SPECC1: variants seen among roughly 807,000 people sequenced by gnomAD.
The protein encoded by SPECC1 is cytospin-B.
Under a neutral mutation model 104.1 loss-of-function variants are expected in SPECC1, and 62 were observed. The observed-to-expected ratio is 0.60, with a 90% CI of 0.49 to 0.74. The LOEUF (loss-of-function observed/expected upper bound fraction) is 0.74. Ranked by LOEUF, SPECC1 falls within the 30% of genes least tolerant of loss-of-function variation. The pLI is 0.00. For missense variants in SPECC1, 1,306 were observed against 1,310.5 expected, an observed-to-expected ratio of 1.00 and a Z score of 0.05; for synonymous variants, 513 against 501.6, an observed-to-expected ratio of 1.02 and a Z score of -0.30.
At chr17:20,140,175 T>A (rs1042772138) in intron 3 of SPECC1, among the ~76,000 whole-genome samples, 32 of 152,310 alleles carry the variant, frequency 2.1e-4, no homozygotes, top group African/African-American at 7.7e-4. Flanking sequence ...ACTATACTTT[T>A]AAACATTTTA....
intron 3 of SPECC1, among the ~76,000 whole-genome samples, chr17:20,141,684 C>T (rs541190618): frequency 1.4e-4 from 21 of 152,260 alleles, no homozygotes; most frequent in African/African-American, 4.6e-4. Context: ...CCAGAAATAC[C>T]CCATGCTGCT....
intron 3 of SPECC1, among the ~76,000 whole-genome samples, chr17:20,164,358 G>A (rs752496627): frequency 6.6e-6 from 1 of 151,586 alleles, no homozygotes; most frequent in Non-Finnish European, 1.5e-5. Flanking sequence ...GTGCAGACGG[G>A]GTCTCACTGT....
At chr17:20,286,465 TGAG>T (rs1225628760) in intron 12 of SPECC1, among the ~76,000 whole-genome samples, 3 of 152,164 alleles carry the variant, frequency 2.0e-5, no homozygotes, top group African/African-American at 7.2e-5. Flanking sequence ...CTGTGAGCAT[TGAG>T]GACTGTCGCG....
intron 3 of SPECC1, among the ~76,000 whole-genome samples, chr17:20,203,915 C>T (rs1179255253): frequency 6.6e-6 from 1 of 152,232 alleles, no homozygotes; most frequent in Non-Finnish European, 1.5e-5. Flanking sequence ...TTTCCTTCTT[C>T]CTTCTCTGCC....
intron 7 of SPECC1, chr17:20,237,753 G>T (rs894290359): frequency 8.9e-5 from 17 of 191,150 alleles, no homozygotes; most frequent in African/African-American, 3.3e-4. Flanking sequence ...AAGTCAGAAG[G>T]TTCGGCGAGT....
intron 1 of SPECC1, among the ~76,000 whole-genome samples, chr17:20,050,353 C>T (rs1050853450): frequency 2.0e-5 from 3 of 152,134 alleles, no homozygotes; most frequent in African/African-American, 2.4e-5. Context: ...CTTTGGAATA[C>T]TAGATTTATC....
intron 12 of SPECC1, among the ~76,000 whole-genome samples, chr17:20,273,934 A>C (rs2040492050): frequency 1.3e-5 from 2 of 152,070 alleles, no homozygotes; most frequent in South Asian, 4.1e-4. Context: ...CTGGGGCTTC[A>C]CGAGGGGGTG....
Position 20,257,481 on chromosome 17 carries a change from A to G in SPECC1, c.2711A>G (p.Lys904Arg). The G allele has an allele frequency of 6.2e-7, 1 of 1,601,220 alleles. No homozygotes were observed. Among genetic ancestry groups the G allele is most frequent in the Middle Eastern group, 1.7e-4 (1 of 6,018 alleles). ...CTAAAGGGAAGGACTGAGACCCTGAAGCCAGACCCCCACCTCCGCAAGAGT... is the reference window on the plus strand; with the variant it reads ...CTAAAGGGAAGGACTGAGACCCTGAGGCCAGACCCCCACCTCCGCAAGAGT... ...DILKGRTETLKPDPHLRKSPS... is the reference protein window; with the variant it reads ...DILKGRTETLRPDPHLRKSPS... The change falls in exon 11 of 15, where the codon AAG becomes AGG. Residue 904 changes from lysine to arginine, a missense_variant. Physicochemically the swap from Lys to Arg is conservative, Grantham distance 26 (BLOSUM62 2). Coordinates refer to ENST00000395527, the MANE Select transcript of SPECC1 (RefSeq NM_001243439.2).
chr17:20,016,151 G>A (rs1445809292), intron 1 of SPECC1, among the ~76,000 whole-genome samples: 1 of 150,728 alleles, frequency 6.6e-6, no homozygotes, highest in Non-Finnish European at 1.5e-5. Flanking sequence ...CCGGGAGGCG[G>A]AGCTTGCAGT....
At chr17:20,140,267 T>A (rs1345994454) in intron 3 of SPECC1, among the ~76,000 whole-genome samples, 2 of 152,202 alleles carry the variant, frequency 1.3e-5, no homozygotes, top group African/African-American at 4.8e-5. Flanking sequence ...AGTGGTCTTG[T>A]TGATTGAAGT....
intron 1 of SPECC1, chr17:20,067,150 C>G (rs1197510177): frequency 6.6e-6 from 1 of 152,054 alleles, no homozygotes; most frequent in East Asian, 1.9e-4. Context: ...TCCTATCATT[C>G]CACCACCTAG....
intron 7 of SPECC1, among the ~76,000 whole-genome samples, chr17:20,241,261 C>T (rs1156563374): frequency 6.6e-6 from 1 of 152,208 alleles, no homozygotes; most frequent in Non-Finnish European, 1.5e-5. Context: ...CTCTGGATCT[C>T]TTTGCGTGCC....
chr17:20,062,201 C>A (rs950970561), intron 1 of SPECC1, among the ~76,000 whole-genome samples: 1 of 149,386 alleles, frequency 6.7e-6, no homozygotes, highest in African/African-American at 2.5e-5. Context: ...TGAGGTAAGC[C>A]GAGATCACGC....
chr17:20,236,255 G>T (rs1481292246), intron 7 of SPECC1, among the ~76,000 whole-genome samples: 1 of 152,078 alleles, frequency 6.6e-6, no homozygotes, highest in Non-Finnish European at 1.5e-5. Flanking sequence ...ATTTAATTTG[G>T]CCCTTGATGC....
chr17:20,145,577 T>G (rs962810502), intron 3 of SPECC1, among the ~76,000 whole-genome samples: 1 of 152,142 alleles, frequency 6.6e-6, no homozygotes, highest in Non-Finnish European at 1.5e-5. Context: ...CAGTATCTCT[T>G]TAAGAATAAG....
chr17:20,260,107 C>T, intron 11 of SPECC1, 85 bp from the exon 12 acceptor site: 1 of 1,101,376 alleles, frequency 9.1e-7, no homozygotes. Context: ...TTTTGCTTTT[C>T]TAAAGTAGGT....
At chr17:20,086,752 G>A (rs950188591) in intron 1 of SPECC1, among the ~76,000 whole-genome samples, 10 of 152,066 alleles carry the variant, frequency 6.6e-5, no homozygotes, top group Admixed American at 2.0e-4. Context: ...CCTTTTTTGC[G>A]TCTGTGCTCA....
intron 1 of SPECC1, among the ~76,000 whole-genome samples, chr17:20,046,649 T>C (rs1254436850): frequency 1.3e-5 from 2 of 151,892 alleles, no homozygotes; most frequent in East Asian, 3.9e-4. Context: ...AAGGGGAGTA[T>C]GTAGAATTTA....
chr17:20,196,021 A>G (rs1438470748), intron 3 of SPECC1, among the ~76,000 whole-genome samples: 2 of 152,152 alleles, frequency 1.3e-5, no homozygotes, highest in Admixed American at 6.5e-5. Flanking sequence ...ACTGAATAAT[A>G]CCCCTTTAAT....
Sources: allele counts gnomAD v4.1 joint callset (sites outside exome capture counted in the v4.1 genomes callset), GRCh38; gene constraint gnomAD v4.1.1; transcripts MANE v1.5; gene names NCBI Gene and HGNC (gene_info 2026-07-23, HGNC 2026-07-21).